MDGA2: variants seen among roughly 807,000 people sequenced by gnomAD.
MDGA2 encodes the protein MAM domain containing glycosylphosphatidylinositol anchor 2.
A neutral mutation model predicts 117.8 loss-of-function variants in MDGA2; 40 were observed. That is an observed-to-expected ratio of 0.34 (90% CI 0.26 to 0.44). The LOEUF is 0.44. Ranked by LOEUF, MDGA2 falls within the 20% of genes least tolerant of loss-of-function variation. MDGA2 has a pLI of 1.00. For synonymous variants in MDGA2, 452 were observed against 439.0 expected (o/e 1.03, Z -0.37); for missense variants, 1,123 against 1,250.6 (o/e 0.90, Z 1.54).
At chr14:47,348,361 GAC>G (rs1352856924) in intron 1 of MDGA2, among the ~76,000 whole-genome samples, 26 of 151,894 alleles carry the variant, frequency 1.7e-4, no homozygotes, top group Non-Finnish European at 3.8e-4. Flanking sequence ...ACAGGCGTGT[GAC>G]ACCACGCCCA....
At chr14:46,873,923 C>T (rs992141890) in intron 13 of MDGA2, 122 bp downstream of exon 13, 18 of 895,846 alleles carry the variant, frequency 2.0e-5, no homozygotes, top group African/African-American at 1.1e-4. Context: ...TGATACTGTA[C>T]AGAAAATTTA....
intron 2 of MDGA2, among the ~76,000 whole-genome samples, chr14:47,285,934 T>G (rs1180414976): frequency 6.6e-6 from 1 of 152,116 alleles, no homozygotes. Flanking sequence ...GCCATTTGAC[T>G]GAAAAGTAAT....
At chr14:47,104,194 T>C (rs1880505437) in intron 5 of MDGA2, among the ~76,000 whole-genome samples, 1 of 152,196 alleles carries the variant, frequency 6.6e-6, no homozygotes, top group South Asian at 2.1e-4. Flanking sequence ...ACACTTATGC[T>C]TCTCAGGCCT....
intron 1 of MDGA2, among the ~76,000 whole-genome samples, chr14:47,365,410 A>T (rs1035810958): frequency 6.6e-6 from 1 of 152,252 alleles, no homozygotes; most frequent in Non-Finnish European, 1.5e-5. Context: ...CATGGAACAC[A>T]AAGAGTTCAT....
chr14:46,864,847 C>T (rs145632169), intron 14 of MDGA2, among the ~76,000 whole-genome samples: 1,963 of 152,058 alleles, frequency 0.013, 37 homozygotes, highest in African/African-American at 0.045. Context: ...CCCTCAGCCA[C>T]CTAAGAGTTG....
At chr14:47,233,147 C>T (rs10148628) in intron 2 of MDGA2, among the ~76,000 whole-genome samples, 120,105 of 151,938 alleles carry the variant, frequency 0.79, 47,643 homozygotes, top group Admixed American at 0.85. Context: ...TGATAGTAAA[C>T]TATGTCACCA....
At chr14:47,260,378 G>T (rs184757791) in intron 2 of MDGA2, among the ~76,000 whole-genome samples, 1 of 152,142 alleles carries the variant, frequency 6.6e-6, no homozygotes, top group East Asian at 1.9e-4. Flanking sequence ...TAAGAGAAGT[G>T]AAAGACGACA....
chr14:47,463,496 T>C (rs1171434738), intron 1 of MDGA2, among the ~76,000 whole-genome samples: 1 of 152,194 alleles, frequency 6.6e-6, no homozygotes, highest in Non-Finnish European at 1.5e-5. Flanking sequence ...ATCATGCAAA[T>C]GAAGCACCTG....
At chr14:47,321,331 C>A (rs527862093) in intron 1 of MDGA2, among the ~76,000 whole-genome samples, 61 of 152,316 alleles carry the variant, frequency 4.0e-4, no homozygotes, top group African/African-American at 1.2e-3. Flanking sequence ...CTTTTTGACA[C>A]AGCTGGTGTT....
At chr14:47,282,544 A>G (rs1396705844) in intron 2 of MDGA2, among the ~76,000 whole-genome samples, 1 of 151,868 alleles carries the variant, frequency 6.6e-6, no homozygotes, top group Admixed American at 6.6e-5. Context: ...ACACACACAC[A>G]CAAATTAGCC....
At chr14:47,625,688 G>A (rs934862831) in intron 1 of MDGA2, among the ~76,000 whole-genome samples, 2 of 152,152 alleles carry the variant, frequency 1.3e-5, no homozygotes, top group Admixed American at 1.3e-4. Context: ...TTACTGAAAT[G>A]TCTGTCTAAC....
chr14:47,112,322 T>C (rs1038501489), intron 5 of MDGA2, among the ~76,000 whole-genome samples: 2 of 152,044 alleles, frequency 1.3e-5, no homozygotes, highest in Admixed American at 1.3e-4. Context: ...GCCATGGTGG[T>C]TTTCTGCACC....
At chr14:47,594,461 A>G (rs891079766) in intron 1 of MDGA2, among the ~76,000 whole-genome samples, 6 of 152,136 alleles carry the variant, frequency 3.9e-5, no homozygotes, top group Admixed American at 1.3e-4. Context: ...TCTCTGAAGG[A>G]CCCACAGAGT....
intron 7 of MDGA2, 35 bp downstream of exon 7, chr14:47,061,214 G>C: frequency 6.5e-7 from 1 of 1,539,116 alleles, no homozygotes; most frequent in Middle Eastern, 1.7e-4. Flanking sequence ...TTCTAAATGT[G>C]AACATCTTTT....
At chr14:47,245,173 G>A (rs770142828) in intron 2 of MDGA2, among the ~76,000 whole-genome samples, 1 of 151,662 alleles carries the variant, frequency 6.6e-6, no homozygotes, top group Non-Finnish European at 1.5e-5. Flanking sequence ...ACAGGCACAT[G>A]CCATCATGCC....
intron 14 of MDGA2, among the ~76,000 whole-genome samples, chr14:46,867,526 A>G (rs1289903051): frequency 6.6e-6 from 1 of 152,130 alleles, no homozygotes; most frequent in African/African-American, 2.4e-5. Context: ...CATGTACCCT[A>G]AAACTTAAAG....
At chr14:46,879,620 T>TA (rs1430396008) in intron 11 of MDGA2, among the ~76,000 whole-genome samples, 2 of 152,130 alleles carry the variant, frequency 1.3e-5, no homozygotes, top group African/African-American at 4.8e-5. Context: ...CTAAGCTAAT[T>TA]AACTTTTTAA....
intron 9 of MDGA2, among the ~76,000 whole-genome samples, chr14:46,921,253 A>G (rs1176141365): frequency 6.6e-6 from 1 of 152,150 alleles, no homozygotes; most frequent in African/African-American, 2.4e-5. Flanking sequence ...TTAATAAGTT[A>G]AAAGCTGTAT....
intron 1 of MDGA2, among the ~76,000 whole-genome samples, chr14:47,505,179 G>C (rs957053802): frequency 6.6e-6 from 1 of 152,114 alleles, no homozygotes; most frequent in East Asian, 1.9e-4. Context: ...CAGAAACAGA[G>C]AGTAGAACAG....
Sources: allele counts gnomAD v4.1 joint callset (sites outside exome capture counted in the v4.1 genomes callset), GRCh38; gene constraint gnomAD v4.1.1; transcripts MANE v1.5; gene names NCBI Gene and HGNC (gene_info 2026-07-23, HGNC 2026-07-21).